CSMD1: variants seen among roughly 807,000 people sequenced by gnomAD.
CSMD1 encodes CUB and sushi domain-containing protein 1.
A neutral mutation model predicts 417.5 loss-of-function variants in CSMD1; 213 were observed. The observed-to-expected ratio is 0.51, with a 90% CI of 0.46 to 0.57. The LOEUF is 0.57. CSMD1 is among the 20% of genes least tolerant of loss of function. The probability of loss-of-function intolerance (pLI) is 0.00; values close to 1 mark genes in which losing one functional copy is unlikely to be tolerated. For synonymous variants in CSMD1, 2,862 were observed against 1,736.8 expected (o/e 1.65, Z -16.11); for missense variants, 6,923 against 4,529.7 (o/e 1.53, Z -15.17).
At chr8:4,376,110 C>G (rs1045963188) in intron 3 of CSMD1, among the ~76,000 whole-genome samples, 3 of 152,300 alleles carry the variant, frequency 2.0e-5, no homozygotes, top group African/African-American at 7.2e-5. Context: ...TAGGACTCAG[C>G]TTATCAAAAG....
intron 3 of CSMD1, among the ~76,000 whole-genome samples, chr8:4,255,601 G>A (rs147070495): frequency 1.1e-4 from 17 of 152,114 alleles, no homozygotes; most frequent in Admixed American, 1.1e-3. Context: ...GCATAAAGTT[G>A]ATTATACTTG....
At chr8:4,059,119 G>C (rs896166767) in intron 3 of CSMD1, among the ~76,000 whole-genome samples, 15 of 152,284 alleles carry the variant, frequency 9.9e-5, no homozygotes, top group African/African-American at 3.4e-4. Context: ...AATCAAACTA[G>C]AACTCAGGAT....
chr8:4,880,646 T>A (rs1422767687), intron 1 of CSMD1, among the ~76,000 whole-genome samples: 1 of 152,058 alleles, frequency 6.6e-6, no homozygotes, highest in African/African-American at 2.4e-5. Flanking sequence ...AGCGTCCCGA[T>A]GAAGCAATCG....
chr8:4,761,596 T>C (rs959941188), intron 1 of CSMD1, among the ~76,000 whole-genome samples: 13 of 152,096 alleles, frequency 8.5e-5, no homozygotes, highest in African/African-American at 2.4e-4. Context: ...GGTTACCTCT[T>C]ATTATAAACC....
At chr8:4,553,430 T>A (rs1797955239) in intron 2 of CSMD1, among the ~76,000 whole-genome samples, 1 of 149,850 alleles carries the variant, frequency 6.7e-6, no homozygotes, top group Admixed American at 6.7e-5. Flanking sequence ...ATTTATAAAC[T>A]GAAAAAGAAT....
In CSMD1 at chr8:4,265,934, G is replaced by T. The variant is rs1407170526; in HGVS notation, c.415+154019C>A. The stretch of plus-strand genomic sequence containing the variant: ...GTGAAGAAATAGATTTCCCCCCATT[G>T]CCCAGGAGACGGGGAACCATGGCCC... On this transcript the variant is annotated intron_variant, in intron 3 of 69. Coordinates refer to ENST00000635120, the MANE Select transcript of CSMD1 (RefSeq NM_033225.6). 1.7e-4 allele frequency among the ~76,000 whole-genome samples: 18 copies of T among 103,416 alleles called. 3 individuals are homozygous for T. The highest frequency in any genetic ancestry group is 4.7e-4 in the African/African-American group (18 of 37,910). The allele number at this position is 103,416 out of a possible 152,430, so 67.8% of individuals were successfully genotyped here. A position where few individuals can be genotyped will look rare whatever the true frequency, so the allele number is the denominator to read the frequency against.
intron 49 of CSMD1, among the ~76,000 whole-genome samples, chr8:3,057,119 C>A (rs978062094): frequency 6.6e-6 from 1 of 151,926 alleles, no homozygotes; most frequent in African/African-American, 2.4e-5. Flanking sequence ...CCATATAATG[C>A]TTATATGGTA....
At chr8:3,968,253 T>A (rs1812826335) in intron 5 of CSMD1, among the ~76,000 whole-genome samples, 1 of 151,996 alleles carries the variant, frequency 6.6e-6, no homozygotes, top group Admixed American at 6.6e-5. Flanking sequence ...CTCAATGTAC[T>A]TTGTTTTCCA....
chr8:3,210,087 C>T (rs1243325513), intron 30 of CSMD1, among the ~76,000 whole-genome samples: 1 of 152,198 alleles, frequency 6.6e-6, no homozygotes, highest in Non-Finnish European at 1.5e-5. Flanking sequence ...AACTGCATCC[C>T]ATGATGCAGG....
At chr8:4,436,780 T>G (rs1798172923) in intron 2 of CSMD1, among the ~76,000 whole-genome samples, 2 of 152,186 alleles carry the variant, frequency 1.3e-5, no homozygotes, top group Admixed American at 6.5e-5. Flanking sequence ...TATTTCTCTT[T>G]CAGTGCCTAC....
chr8:3,715,084 T>G (rs1801749154), intron 6 of CSMD1, among the ~76,000 whole-genome samples: 1 of 151,538 alleles, frequency 6.6e-6, no homozygotes, highest in African/African-American at 2.4e-5. Context: ...TAACATTTCT[T>G]CATTAGATTT....
At chr8:3,480,675 A>G (rs1053261047) in intron 11 of CSMD1, among the ~76,000 whole-genome samples, 2 of 152,184 alleles carry the variant, frequency 1.3e-5, no homozygotes, top group African/African-American at 4.8e-5. Context: ...AGAAAAAACA[A>G]CCAAAAAGAA....
chr8:4,086,297 C>G (rs988065758), intron 3 of CSMD1, among the ~76,000 whole-genome samples: 4 of 152,300 alleles, frequency 2.6e-5, no homozygotes, highest in East Asian at 1.9e-4. Context: ...GCCACAAAAA[C>G]AGTCATCAGA....
chr8:3,431,271 T>C (rs957652827), intron 12 of CSMD1, among the ~76,000 whole-genome samples: 1 of 152,150 alleles, frequency 6.6e-6, no homozygotes, highest in African/African-American at 2.4e-5. Context: ...CATGTGCAGA[T>C]GTCACACCTG....
At chr8:4,076,797 A>G (rs1167060904) in intron 3 of CSMD1, among the ~76,000 whole-genome samples, 2 of 152,170 alleles carry the variant, frequency 1.3e-5, no homozygotes, top group African/African-American at 4.8e-5. Context: ...ATCAGAGTAT[A>G]CACCATCACG....
intron 50 of CSMD1, among the ~76,000 whole-genome samples, chr8:3,041,148 T>C (rs1015046175): frequency 3.9e-5 from 6 of 152,190 alleles, no homozygotes; most frequent in African/African-American, 9.6e-5. Flanking sequence ...TTACATGAAA[T>C]TGATGTCATT....
At chr8:4,249,810 A>G (rs1255543338) in intron 3 of CSMD1, among the ~76,000 whole-genome samples, 1 of 152,098 alleles carries the variant, frequency 6.6e-6, no homozygotes. Flanking sequence ...GTCAGTTTAG[A>G]AATTCTTCTA....
intron 1 of CSMD1, among the ~76,000 whole-genome samples, chr8:4,958,386 T>G (rs1809261622): frequency 6.6e-6 from 1 of 152,184 alleles, no homozygotes; most frequent in Non-Finnish European, 1.5e-5. Context: ...TAAAACAATT[T>G]TTAAGCAATT....
chr8:3,005,348 G>A (rs979050379), intron 52 of CSMD1, among the ~76,000 whole-genome samples: 8 of 152,126 alleles, frequency 5.3e-5, no homozygotes, highest in Admixed American at 2.0e-4. Context: ...TTACTCCAAG[G>A]AGGAACTGGT....
Sources: gnomAD v4.1 joint callset for allele counts (sites outside exome capture counted in the v4.1 genomes callset) on GRCh38, gnomAD v4.1.1 for gene constraint, MANE v1.5 for transcripts, NCBI Gene and HGNC (gene_info 2026-07-23, HGNC 2026-07-21) for gene names.